Variants in EIF2B3 observed in about 807,000 individuals in gnomAD.
EIF2B3 encodes translation initiation factor eIF2B subunit gamma.
Under a neutral mutation model 54.1 loss-of-function variants are expected in EIF2B3, and 20 were observed. The ratio of observed to expected loss-of-function variants is 0.37; its 90% CI spans 0.26 to 0.54. EIF2B3 has a LOEUF of 0.54. Among genes scored for constraint, EIF2B3 ranks in the 20% least tolerant of loss-of-function variants. The pLI is 0.86. For synonymous variants in EIF2B3, 153 were observed against 188.1 expected, an observed-to-expected ratio of 0.81 and a Z score of 1.52; for missense variants, 448 against 547.8, an observed-to-expected ratio of 0.82 and a Z score of 1.82.
At chr1:44,870,680 T>C (rs1654938274) in intron 10 of EIF2B3, among the ~76,000 whole-genome samples, 1 of 150,088 alleles carries the variant, frequency 6.7e-6, no homozygotes, top group Non-Finnish European at 1.5e-5. Context: ...TGAGAAAGAG[T>C]CTCACTCTGT....
chr1:44,851,505 T>TA (rs1327700329), intron 11 of EIF2B3, among the ~76,000 whole-genome samples: 2 of 152,238 alleles, frequency 1.3e-5, no homozygotes, highest in Non-Finnish European at 2.9e-5. Context: ...ACTGTCTATA[T>TA]ACCTGGCTGT....
rs750471493 is a variant in EIF2B3 at position 44,857,727 on chromosome 1, C to T, written c.1283G>A (p.Ser428Asn). The part of the protein sequence containing the change: ...GADIKDCLIG[S>N]GQRIEAKAKR... ...ACCTTTGGCTTCAATCCTCTGGCCA[C>T]TTCCAATCAAGCAGTCCTTGATGTC... Residue 428 changes from serine to asparagine, a missense_variant, in exon 11 of 12, where the codon AGT becomes AAT. Around this residue, in one of 3 missense-constraint regions of EIF2B3, gnomAD observed 350 missense variants for 414.2 expected, o/e 0.85. Transcript: ENST00000360403. The T allele has an allele frequency of 6.2e-7, 1 of 1,614,070 alleles. No individual in the cohort carries two copies. The highest frequency in any genetic ancestry group is 1.3e-5 in the African/African-American group (1 of 74,926).
At chr1:44,857,359 A>G (rs768120012) in intron 11 of EIF2B3, among the ~76,000 whole-genome samples, 7 of 152,124 alleles carry the variant, frequency 4.6e-5, no homozygotes, top group Non-Finnish European at 8.8e-5. Context: ...GAGAAACGCC[A>G]TCTCTACTAA....
intron 6 of EIF2B3, among the ~76,000 whole-genome samples, chr1:44,895,096 G>A (rs1655922736): frequency 6.6e-6 from 1 of 152,182 alleles, no homozygotes; most frequent in Non-Finnish European, 1.5e-5. Context: ...TAGCGACTCT[G>A]AGAGGTCAAG....
At chr1:44,910,904 G>A (rs1239678931) in intron 5 of EIF2B3, among the ~76,000 whole-genome samples, 1 of 151,836 alleles carries the variant, frequency 6.6e-6, no homozygotes, top group Non-Finnish European at 1.5e-5. Context: ...GGTTACATGA[G>A]TAAGTTCTTC....
intron 3 of EIF2B3, among the ~76,000 whole-genome samples, chr1:44,960,415 G>A (rs143154846): frequency 0.054 from 8,226 of 152,162 alleles, 360 homozygotes; most frequent in Non-Finnish European, 0.085. Context: ...CGAGGCAGGC[G>A]GATCATGAGG....
At chr1:44,969,860 T>C (rs1470784717) in intron 3 of EIF2B3, 1 of 152,242 alleles carries the variant, frequency 6.6e-6, no homozygotes, top group Admixed American at 6.5e-5. Flanking sequence ...TGAATGAGTT[T>C]AGACATAGAT....
In EIF2B3 at chr1:44,904,386, C is replaced by T. The variant is rs1643374408; in HGVS notation, c.567-6942G>A. Among the ~76,000 whole-genome samples the T allele has an allele frequency of 3.3e-5, 5 of 152,214 alleles. No individual in the cohort carries two copies. In the South Asian group the frequency reaches 8.3e-4, roughly 25 times the overall value. On this transcript the variant is annotated intron_variant, in intron 5 of 11. Transcript: ENST00000360403. ...AGCTTGAAACAGTTATTCATAAAAC[C>T]AGAGATAACAATTCAGATGAGGATA... is the stretch of plus-strand genomic sequence containing the variant.
intron 2 of EIF2B3, among the ~76,000 whole-genome samples, chr1:44,980,237 G>A (rs567621603): frequency 1.1e-4 from 16 of 152,182 alleles, no homozygotes; most frequent in African/African-American, 3.6e-4. Flanking sequence ...GGCCGAGGTG[G>A]GCAGATCACG....
chr1:44,963,879 C>T (rs1286076891), intron 3 of EIF2B3, among the ~76,000 whole-genome samples: 1 of 152,074 alleles, frequency 6.6e-6, no homozygotes, highest in Non-Finnish European at 1.5e-5. Context: ...ACCCTATAGC[C>T]CTTCATCCCC....
At chr1:44,948,886 C>T (rs1019513636) in intron 3 of EIF2B3, among the ~76,000 whole-genome samples, 5 of 151,768 alleles carry the variant, frequency 3.3e-5, no homozygotes, top group African/African-American at 4.8e-5. Flanking sequence ...GAAAGAGTCT[C>T]GCTCTATTGC....
At chr1:44,895,254 A>G (rs2148913476) in intron 6 of EIF2B3, among the ~76,000 whole-genome samples, 1 of 152,256 alleles carries the variant, frequency 6.6e-6, no homozygotes, top group South Asian at 2.1e-4. Context: ...ACCTATAGCC[A>G]TATCACAAAC....
At chr1:44,875,836 C>A (rs1002129991) in intron 8 of EIF2B3, 141 bp from the exon 9 acceptor site, 11 of 732,048 alleles carry the variant, frequency 1.5e-5, no homozygotes, top group Non-Finnish European at 2.4e-5. Flanking sequence ...TGATGCCGAG[C>A]CAAAGCTGGA....
Position 44,850,896 on chromosome 1 carries a change from G to C in EIF2B3, c.*55C>G. On this transcript the variant is annotated 3_prime_UTR_variant, in exon 12 of 12. Coordinates refer to ENST00000360403, the MANE Select transcript of EIF2B3 (RefSeq NM_020365.5). ...AAATACAGAGTTAAACAGGTGGGCC[G>C]GCCAACATCTGTGGCTTTGGAGGCC... 6.3e-7 allele frequency: 1 copy of C among 1,590,394 alleles called. No homozygotes were observed. Among genetic ancestry groups the C allele is most frequent in the Non-Finnish European group, 8.6e-7 (1 of 1,158,650 alleles).
chr1:44,911,127 A>T (rs1422914871), intron 5 of EIF2B3, among the ~76,000 whole-genome samples: 1 of 152,246 alleles, frequency 6.6e-6, no homozygotes, highest in Non-Finnish European at 1.5e-5. Context: ...GAAGTACTGT[A>T]TTCTCATAAT....
chr1:44,950,294 C>T (rs906917117), intron 3 of EIF2B3, among the ~76,000 whole-genome samples: 8 of 152,194 alleles, frequency 5.3e-5, no homozygotes, highest in African/African-American at 1.9e-4. Context: ...CATGGTGGTG[C>T]ATGCCTGTAG....
intron 3 of EIF2B3, chr1:44,958,447 G>T: frequency 3.2e-6 from 2 of 617,286 alleles, no homozygotes; most frequent in Non-Finnish European, 5.5e-6. Flanking sequence ...GAGTCTCACT[G>T]TTCCAGTCTG....
chr1:44,901,605 C>T (rs538234755), intron 5 of EIF2B3, among the ~76,000 whole-genome samples: 29 of 138,638 alleles, frequency 2.1e-4, no homozygotes, highest in African/African-American at 7.2e-4. Context: ...GTCATCCAGG[C>T]TGGAGTGCTG....
chr1:44,925,761 T>C (rs1322563115), intron 5 of EIF2B3, among the ~76,000 whole-genome samples: 3 of 152,122 alleles, frequency 2.0e-5, no homozygotes, highest in African/African-American at 7.2e-5. Context: ...CCGTATCTAC[T>C]AAAAATACAA....
Sources: gnomAD v4.1 joint callset for allele counts (sites outside exome capture counted in the v4.1 genomes callset) on GRCh38, gnomAD v4.1.1 for gene constraint, gnomAD v4.1.1 regional missense constraint, MANE v1.5 for transcripts, NCBI Gene and HGNC (gene_info 2026-07-23, HGNC 2026-07-21) for gene names.